EPSTI1: variants seen among roughly 807,000 people sequenced by gnomAD.
EPSTI1 encodes the protein epithelial stromal interaction 1.
In EPSTI1, 66 loss-of-function variants were observed where a neutral mutation model predicts 49.9. The ratio of observed to expected loss-of-function variants is 1.32; its 90% CI spans 1.08 to 1.62. The LOEUF is 1.62. Among genes scored for constraint, EPSTI1 ranks in the 40% most tolerant of loss-of-function variants. The probability of loss-of-function intolerance (pLI) is 0.00; values close to 1 mark genes in which losing one functional copy is unlikely to be tolerated. For missense variants in EPSTI1, 394 were observed against 365.5 expected (o/e 1.08, Z -0.64); for synonymous variants, 137 against 130.7 (o/e 1.05, Z -0.33).
At chr13:42,943,075 C>T (rs1378448025) in intron 6 of EPSTI1, among the ~76,000 whole-genome samples, 3 of 152,198 alleles carry the variant, frequency 2.0e-5, no homozygotes, top group Admixed American at 1.3e-4. Flanking sequence ...GGTATCTATG[C>T]CTTCCTCTTT....
intron 6 of EPSTI1, among the ~76,000 whole-genome samples, chr13:42,948,849 A>C (rs1036367568): frequency 6.6e-6 from 1 of 152,228 alleles, no homozygotes; most frequent in African/African-American, 2.4e-5. Context: ...ATATGAATAT[A>C]TAATCTGTTA....
At chr13:42,965,788 C>CTCTCCCTCTCCCTCG in intron 3 of EPSTI1, among the ~76,000 whole-genome samples, 1 of 28,636 alleles carries the variant, frequency 3.5e-5, no homozygotes, top group African/African-American at 8.8e-5. Context: ...CTCCCTCTCC[C>CTCTCCCTCTCCCTCG]TCTCCCTCTC....
chr13:42,912,956 C>T (rs1325877071), intron 8 of EPSTI1, among the ~76,000 whole-genome samples: 1 of 150,990 alleles, frequency 6.6e-6, no homozygotes, highest in African/African-American at 2.4e-5. Context: ...GGTAAAGAGA[C>T]ATAAAAGAAA....
At chr13:42,944,276 C>T (rs1358990514) in intron 6 of EPSTI1, among the ~76,000 whole-genome samples, 1 of 152,140 alleles carries the variant, frequency 6.6e-6, no homozygotes, top group African/African-American at 2.4e-5. Flanking sequence ...ACCCAAATGC[C>T]CATCAATGTT....
chr13:42,970,565 T>A (rs1232588957), intron 2 of EPSTI1, 47 bp downstream of exon 2: 2 of 1,498,170 alleles, frequency 1.3e-6, no homozygotes, highest in Admixed American at 2.0e-5. Context: ...AAACCAATTG[T>A]AAAAAGAGAG....
intron 4 of EPSTI1, 22 bp from the exon 5 acceptor site, chr13:42,963,360 G>T: frequency 6.3e-7 from 1 of 1,579,918 alleles, no homozygotes; most frequent in South Asian, 1.1e-5. Context: ...TGAAATTACA[G>T]AGAACAAAAA....
intron 1 of EPSTI1, among the ~76,000 whole-genome samples, chr13:42,979,533 C>T (rs542818968): frequency 2.5e-4 from 37 of 146,024 alleles, no homozygotes; most frequent in Non-Finnish European, 5.0e-4. Context: ...TGCAGTGAGC[C>T]GATATCGCGC....
chr13:42,985,058 G>A (rs1156564945), intron 1 of EPSTI1, among the ~76,000 whole-genome samples: 1 of 152,198 alleles, frequency 6.6e-6, no homozygotes, highest in African/African-American at 2.4e-5. Flanking sequence ...TGCTTGTGAA[G>A]GATGAAAGTG....
intron 6 of EPSTI1, among the ~76,000 whole-genome samples, chr13:42,950,710 T>C (rs2039068636): frequency 6.6e-6 from 1 of 152,220 alleles, no homozygotes; most frequent in Non-Finnish European, 1.5e-5. Flanking sequence ...CATTGCAGCA[T>C]GGTGAAACTA....
At chr13:42,960,908 G>A (rs930290754) in intron 5 of EPSTI1, among the ~76,000 whole-genome samples, 13 of 152,088 alleles carry the variant, frequency 8.5e-5, no homozygotes, top group Non-Finnish European at 1.5e-4. Flanking sequence ...TGCAGGATAC[G>A]CTCTCTATTT....
chr13:42,916,517 G>C (rs1276053299), intron 8 of EPSTI1, among the ~76,000 whole-genome samples: 2 of 152,054 alleles, frequency 1.3e-5, no homozygotes, highest in Non-Finnish European at 2.9e-5. Flanking sequence ...CAACACTAAT[G>C]AATACAAATA....
chr13:42,924,224 C>T lies in EPSTI1; in HGVS notation c.657+2112G>A, dbSNP rs535144241. 2.0e-5 allele frequency among the ~76,000 whole-genome samples: 3 copies of T among 152,194 alleles called. No homozygotes were observed. In the South Asian group the frequency reaches 6.2e-4, roughly 32 times the overall value. ...AATTAAATATATTGAACACTGAAACCGTATTAATAGTTTGGGGTCAAAATC... is the reference window on the plus strand; with the variant it reads ...AATTAAATATATTGAACACTGAAACTGTATTAATAGTTTGGGGTCAAAATC... On this transcript the variant is annotated intron_variant, in intron 7 of 10. Coordinates refer to ENST00000313624, the MANE Select transcript of EPSTI1 (RefSeq NM_033255.5).
chr13:42,930,883 C>T (rs1048994642), intron 6 of EPSTI1, among the ~76,000 whole-genome samples: 1 of 152,086 alleles, frequency 6.6e-6, no homozygotes, highest in Non-Finnish European at 1.5e-5. Context: ...TAGTGGTTTA[C>T]TTTGGGGGAG....
rs540482884 is a variant in EPSTI1 at position 42,922,407 on chromosome 13, T to C, written c.657+3929A>G. Among the ~76,000 whole-genome samples, 2 of 152,048 alleles carry C rather than the reference T, an allele frequency of 1.3e-5. No individual in the cohort carries two copies. Among genetic ancestry groups the C allele is most frequent in the East Asian group, 1.9e-4 (1 of 5,168 alleles). On this transcript the variant is annotated intron_variant, in intron 7 of 10. Coordinates refer to ENST00000313624, the MANE Select transcript of EPSTI1 (RefSeq NM_033255.5). The surrounding 1 kb of genome is among the most constrained non-coding windows in gnomAD (Gnocchi z 4.8). ...TCATTATAAGAGGAAGGCAGAAAGG[T>C]CAGGGAGGGTGCAGAAGGTTGGGTG... is the stretch of plus-strand genomic sequence containing the variant.
At chr13:42,912,523 A>G (rs2037717161) in intron 8 of EPSTI1, among the ~76,000 whole-genome samples, 2 of 152,254 alleles carry the variant, frequency 1.3e-5, no homozygotes, top group South Asian at 4.1e-4. Flanking sequence ...CCAAATACAT[A>G]TAAGAATAAT....
rs1044476540 is a variant in EPSTI1, at chr13:42,922,772, T to C, written c.657+3564A>G. Among the ~76,000 whole-genome samples, 1 of 152,156 alleles carries C rather than the reference T, an allele frequency of 6.6e-6. No homozygotes were observed. Among genetic ancestry groups the C allele is most frequent in the African/African-American group, 2.4e-5 (1 of 41,434 alleles). Reference sequence around the variant, plus strand: ...GACACGTAGATAAAAATTACAATAATCAACCTGCACTGAGTGCTCACAGTA... The same window carrying C: ...GACACGTAGATAAAAATTACAATAACCAACCTGCACTGAGTGCTCACAGTA... On this transcript the variant is annotated intron_variant, in intron 7 of 10. Coordinates refer to ENST00000313624, the MANE Select transcript of EPSTI1 (RefSeq NM_033255.5). The surrounding 1 kb of genome is among the most constrained non-coding windows in gnomAD (Gnocchi z 4.8).
At chr13:42,944,631 C>T (rs1330663258) in intron 6 of EPSTI1, among the ~76,000 whole-genome samples, 1 of 151,996 alleles carries the variant, frequency 6.6e-6, no homozygotes, top group Non-Finnish European at 1.5e-5. Context: ...AACAAAGCTG[C>T]GCGTTCTTCA....
At chr13:42,914,040 C>A (rs1329876735) in intron 8 of EPSTI1, among the ~76,000 whole-genome samples, 1 of 152,162 alleles carries the variant, frequency 6.6e-6, no homozygotes, top group Non-Finnish European at 1.5e-5. Context: ...GAGGCCTCCC[C>A]AGCCATGTTT....
intron 6 of EPSTI1, among the ~76,000 whole-genome samples, chr13:42,947,481 G>A (rs2038953342): frequency 6.6e-6 from 1 of 152,084 alleles, no homozygotes; most frequent in Non-Finnish European, 1.5e-5. Flanking sequence ...GAACAATTGT[G>A]GACATGTCAT....
Sources: allele counts gnomAD v4.1 joint callset (sites outside exome capture counted in the v4.1 genomes callset), GRCh38; gene constraint gnomAD v4.1.1; non-coding constraint Gnocchi (gnomAD v3.1); transcripts MANE v1.5; gene names NCBI Gene and HGNC (gene_info 2026-07-23, HGNC 2026-07-21).